Variants in ZBTB7C observed in about 807,000 individuals in gnomAD.
ZBTB7C encodes the protein zinc finger and BTB domain-containing protein 7C.
ZBTB7C carries 8 observed loss-of-function variants against 25.7 expected under a neutral mutation model. The observed-to-expected ratio is 0.31, with a 90% CI of 0.18 to 0.56. The LOEUF is 0.56. Among genes scored for constraint, ZBTB7C ranks in the 20% least tolerant of loss-of-function variants. The probability of loss-of-function intolerance (pLI) is 0.91; values close to 1 mark genes in which losing one functional copy is unlikely to be tolerated. For missense variants in ZBTB7C, 824 were observed against 855.2 expected (o/e 0.96, Z 0.46); for synonymous variants, 394 against 369.0 (o/e 1.07, Z -0.78).
intron 2 of ZBTB7C, among the ~76,000 whole-genome samples, chr18:48,315,028 T>C (rs1232075991): frequency 6.6e-6 from 1 of 152,206 alleles, no homozygotes; most frequent in Non-Finnish European, 1.5e-5. Context: ...TGGCAGCTTC[T>C]GTCCTCTGTT....
At chr18:48,247,598 T>C (rs1323803227) in intron 2 of ZBTB7C, among the ~76,000 whole-genome samples, 5 of 152,236 alleles carry the variant, frequency 3.3e-5, no homozygotes, top group Non-Finnish European at 7.3e-5. Flanking sequence ...CCACCTCTTC[T>C]GCTTCACTCC....
At chr18:48,238,400 A>G (rs2043435873) in intron 2 of ZBTB7C, among the ~76,000 whole-genome samples, 1 of 152,306 alleles carries the variant, frequency 6.6e-6, no homozygotes, top group South Asian at 2.1e-4. Context: ...GAATTCAAAG[A>G]CCTTTTGAAG....
At chr18:48,118,216 G>A (rs1349090149) in intron 3 of ZBTB7C, among the ~76,000 whole-genome samples, 3 of 151,974 alleles carry the variant, frequency 2.0e-5, no homozygotes, top group African/African-American at 7.2e-5. Context: ...ACATTGGCCA[G>A]GCTGGTCTCA....
chr18:48,316,265 T>C (rs1301792774), intron 2 of ZBTB7C, among the ~76,000 whole-genome samples: 1 of 152,208 alleles, frequency 6.6e-6, no homozygotes, highest in African/African-American at 2.4e-5. Context: ...AAAAGAACAA[T>C]CCTTCCATGT....
At chr18:48,100,914 G>C (rs761783896) in intron 3 of ZBTB7C, among the ~76,000 whole-genome samples, 6 of 28,244 alleles carry the variant, frequency 2.1e-4, no homozygotes, top group Non-Finnish European at 3.5e-4. Flanking sequence ...GGGGACTGGT[G>C]GGGGGGCTGG....
At chr18:48,089,481 A>G (rs1466321046) in intron 3 of ZBTB7C, among the ~76,000 whole-genome samples, 2 of 22,472 alleles carry the variant, frequency 8.9e-5, no homozygotes, top group South Asian at 2.3e-3. Flanking sequence ...TCCATCTCGA[A>G]AAAAAAAAAA....
chr18:48,090,449 C>G (rs2038368976), intron 3 of ZBTB7C, among the ~76,000 whole-genome samples: 1 of 152,246 alleles, frequency 6.6e-6, no homozygotes, highest in Non-Finnish European at 1.5e-5. Context: ...CAATTGCTGT[C>G]TGCAGGCCTT....
At chr18:48,312,802 G>A (rs2045853759) in intron 2 of ZBTB7C, among the ~76,000 whole-genome samples, 1 of 152,210 alleles carries the variant, frequency 6.6e-6, no homozygotes, top group African/African-American at 2.4e-5. Context: ...TCAGCAGTGT[G>A]TTTTGAATGC....
intron 3 of ZBTB7C, among the ~76,000 whole-genome samples, chr18:48,133,221 C>T (rs1166883474): frequency 2.0e-5 from 3 of 152,226 alleles, no homozygotes; most frequent in Non-Finnish European, 4.4e-5. Context: ...TGGGGGGAAC[C>T]TCCTTCTCAC....
At chr18:48,139,973 C>T (rs538594368) in intron 3 of ZBTB7C, among the ~76,000 whole-genome samples, 53 of 152,288 alleles carry the variant, frequency 3.5e-4, no homozygotes, top group African/African-American at 1.0e-3. Context: ...CCCGCCTTCC[C>T]GGTTCAGGTC....
intron 1 of ZBTB7C, among the ~76,000 whole-genome samples, chr18:48,406,987 G>C (rs1255215854): frequency 6.6e-6 from 1 of 152,178 alleles, no homozygotes; most frequent in Admixed American, 6.5e-5. Flanking sequence ...CCAACTCGTA[G>C]TTCTTTTTTA....
At chr18:48,103,896 A>C (rs1342232979) in intron 3 of ZBTB7C, among the ~76,000 whole-genome samples, 3 of 152,228 alleles carry the variant, frequency 2.0e-5, no homozygotes, top group Non-Finnish European at 4.4e-5. Context: ...CAATCTATAG[A>C]GACATAAAGT....
At chr18:48,319,465 T>C (rs915825952) in intron 2 of ZBTB7C, among the ~76,000 whole-genome samples, 62 of 152,260 alleles carry the variant, frequency 4.1e-4, no homozygotes, top group African/African-American at 1.4e-3. Context: ...ACCTTGGCAC[T>C]ATGGGGGGAC....
chr18:48,360,774 T>A (rs1238385070), intron 1 of ZBTB7C, among the ~76,000 whole-genome samples: 3 of 150,810 alleles, frequency 2.0e-5, no homozygotes, highest in Non-Finnish European at 4.4e-5. Context: ...GGAAGGAGAG[T>A]GTCATGAAGG....
intron 1 of ZBTB7C, among the ~76,000 whole-genome samples, chr18:48,403,781 T>TA (rs1034790453): frequency 2.0e-5 from 3 of 152,038 alleles, no homozygotes; most frequent in Non-Finnish European, 4.4e-5. Context: ...CTAAAGAACT[T>TA]ACTCATGTAA....
chr18:48,086,754 T>C (rs2038206131), intron 3 of ZBTB7C, among the ~76,000 whole-genome samples: 1 of 152,250 alleles, frequency 6.6e-6, no homozygotes, highest in Admixed American at 6.5e-5. Flanking sequence ...GCAGGCTTAG[T>C]ACTTATTGTT....
At chr18:48,043,134 T>G (rs2036324542) in intron 3 of ZBTB7C, among the ~76,000 whole-genome samples, 1 of 152,230 alleles carries the variant, frequency 6.6e-6, no homozygotes, top group Admixed American at 6.5e-5. Context: ...CGTATATTGC[T>G]GGTAGGAATG....
intron 3 of ZBTB7C, among the ~76,000 whole-genome samples, chr18:48,086,595 T>G (rs2038200666): frequency 6.6e-6 from 1 of 152,214 alleles, no homozygotes; most frequent in South Asian, 2.1e-4. Context: ...GAACCCACAC[T>G]TCAGGGTTCT....
chr18:48,393,270 C>T lies in ZBTB7C; in HGVS notation c.-304+15956G>A, dbSNP rs554480178. 1.2e-4 allele frequency among the ~76,000 whole-genome samples: 15 copies of T among 121,952 alleles called. No individual in the cohort carries two copies. The East Asian group carries it at 4.2e-3, about 34-fold the overall frequency. 80.0% of individuals were successfully genotyped at this position (121,952 alleles called of 152,430 possible). ...CCTCCCCACCCCCCACCCCTGCCAT[C>T]CCACCAGGCCTGCTCCAACCACCAC... is the stretch of plus-strand genomic sequence containing the variant. On this transcript the variant is annotated intron_variant, in intron 1 of 4. Transcript: ENST00000590800.
Sources: allele counts gnomAD v4.1 joint callset (sites outside exome capture counted in the v4.1 genomes callset), GRCh38; gene constraint gnomAD v4.1.1; transcripts MANE v1.5; gene names NCBI Gene and HGNC (gene_info 2026-07-23, HGNC 2026-07-21).